CTNNBIP1: variants seen among roughly 807,000 people sequenced by gnomAD.
CTNNBIP1 encodes the protein catenin beta interacting protein 1, also known as beta-catenin-interacting protein 1.
A neutral mutation model predicts 11.8 loss-of-function variants in CTNNBIP1; 7 were observed. The observed-to-expected ratio is 0.60, with a 90% CI of 0.34 to 1.12. CTNNBIP1 has a LOEUF of 1.12. Ranked by LOEUF, CTNNBIP1 falls within the 50% of genes most tolerant of loss-of-function variation. CTNNBIP1 has a pLI of 0.03. For missense variants in CTNNBIP1, 101 were observed against 113.4 expected (o/e 0.89, Z 0.50); for synonymous variants, 58 against 43.9 (o/e 1.32, Z -1.26).
intron 1 of CTNNBIP1, among the ~76,000 whole-genome samples, chr1:9,887,879 C>G (rs1220526914): frequency 6.6e-6 from 1 of 151,844 alleles, no homozygotes; most frequent in Non-Finnish European, 1.5e-5. Flanking sequence ...GGCTGGAGTG[C>G]AGTGGTGCGA....
rs1449148393 is a variant in CTNNBIP1 at position 9,849,476 on chromosome 1, T to TAGG, written c.*1239_*1241dup. ...ACCTACTGTGCTGGCAGCAGACAGG[T>TAGG]AGGAGCCTGGCTGGGGTAGGTCAGG... is the stretch of plus-strand genomic sequence containing the variant. On this transcript the variant is annotated 3_prime_UTR_variant, in exon 6 of 6. Transcript: ENST00000377263. The TAGG allele has an allele frequency of 6.6e-6, 1 of 152,154 alleles. No individual in the cohort carries two copies. The highest frequency in any genetic ancestry group is 1.9e-4 in the East Asian group (1 of 5,180). The allele number at this position is 152,154 out of a possible 1,614,324, so 9.4% of individuals were successfully genotyped here. A position where few individuals can be genotyped will look rare whatever the true frequency, so the allele number is the denominator to read the frequency against.
chr1:9,864,542 A>G (rs954585827), intron 5 of CTNNBIP1, among the ~76,000 whole-genome samples: 7 of 152,092 alleles, frequency 4.6e-5, no homozygotes, highest in Non-Finnish European at 7.4e-5. Context: ...GTTAGCCAGG[A>G]TGGTCTCAAT....
chr1:9,880,379 T>A (rs758518896), intron 2 of CTNNBIP1, among the ~76,000 whole-genome samples: 24 of 152,252 alleles, frequency 1.6e-4, no homozygotes, highest in Non-Finnish European at 2.8e-4. Flanking sequence ...AGTCTATCAT[T>A]GATGGGCATC....
At chr1:9,858,496 C>T (rs1378965251) in intron 5 of CTNNBIP1, among the ~76,000 whole-genome samples, 1 of 152,186 alleles carries the variant, frequency 6.6e-6, no homozygotes, top group East Asian at 1.9e-4. Flanking sequence ...GTCCTTACAC[C>T]CCAGGGCCTT....
chr1:9,853,969 A>C lies in CTNNBIP1; in HGVS notation c.188-3193T>G, dbSNP rs540657931. On this transcript the variant is annotated intron_variant, in intron 5 of 5. Transcript: ENST00000377263. Reference sequence around the variant, plus strand: ...CTGACCAGGTGAGATTTATCCCAGGAATGCAAGGTTGGTTTAACATCTGAA... The same window carrying C: ...CTGACCAGGTGAGATTTATCCCAGGCATGCAAGGTTGGTTTAACATCTGAA... Among the ~76,000 whole-genome samples the C allele has an allele frequency of 2.0e-5, 3 of 152,368 alleles. No homozygotes were observed. In the East Asian group the frequency reaches 5.8e-4, roughly 29 times the overall value.
intron 5 of CTNNBIP1, among the ~76,000 whole-genome samples, chr1:9,864,377 G>T (rs191402222): frequency 6.6e-6 from 1 of 152,236 alleles, no homozygotes; most frequent in Admixed American, 6.5e-5. Context: ...CGCCCAGGCT[G>T]GAGTGCAGTG....
intron 1 of CTNNBIP1, among the ~76,000 whole-genome samples, chr1:9,886,685 CCT>C (rs1268234556): frequency 6.6e-6 from 1 of 152,180 alleles, no homozygotes; most frequent in African/African-American, 2.4e-5. Context: ...ACCGCTCTGC[CCT>C]GTTGCTCTCC....
At chr1:9,893,881 C>T (rs1177819811) in intron 1 of CTNNBIP1, among the ~76,000 whole-genome samples, 2 of 152,004 alleles carry the variant, frequency 1.3e-5, no homozygotes, top group South Asian at 2.1e-4. Context: ...CTTCCAAGTC[C>T]GAAAAAAGAA....
At chr1:9,909,773 C>G (rs912243323) in intron 1 of CTNNBIP1, among the ~76,000 whole-genome samples, 2 of 152,082 alleles carry the variant, frequency 1.3e-5, no homozygotes, top group Non-Finnish European at 2.9e-5. Context: ...AGGGAAGAGG[C>G]AGGGGCCCAG....
Position 9,895,002 on chromosome 1 carries a change from G to C in CTNNBIP1, c.-143-11264C>G, listed in dbSNP as rs1019949954. ...GGCTCACTGCAAGCTCTGCTTCCCA[G>C]GTTCACACCATTCTCCTGCCTCAGC... On this transcript the variant is annotated intron_variant, in intron 1 of 5. Coordinates refer to ENST00000377263, the MANE Select transcript of CTNNBIP1 (RefSeq NM_020248.3). Among the ~76,000 whole-genome samples, 3 of 148,872 alleles carry C rather than the reference G, an allele frequency of 2.0e-5. No homozygotes were observed. In the East Asian group the frequency reaches 5.9e-4, roughly 29 times the overall value.
chr1:9,880,263 A>G (rs1221383870), intron 2 of CTNNBIP1, among the ~76,000 whole-genome samples: 2 of 152,168 alleles, frequency 1.3e-5, no homozygotes, highest in East Asian at 3.9e-4. Flanking sequence ...TTTGCTAAGA[A>G]TGATGGCTTC....
chr1:9,903,564 G>A (rs1438225447), intron 1 of CTNNBIP1, among the ~76,000 whole-genome samples: 1 of 152,192 alleles, frequency 6.6e-6, no homozygotes, highest in Non-Finnish European at 1.5e-5. Flanking sequence ...TTTAATAACT[G>A]AGTATAACAG....
In CTNNBIP1 at chr1:9,883,398, T is replaced by C. The variant is rs529172720; in HGVS notation, c.-110+307A>G. On this transcript the variant is annotated intron_variant, in intron 2 of 5. Coordinates refer to ENST00000377263, the MANE Select transcript of CTNNBIP1 (RefSeq NM_020248.3). The surrounding 1 kb of genome is among the most constrained non-coding windows in gnomAD (Gnocchi z 5.6). The stretch of plus-strand genomic sequence containing the variant: ...GAGGCAGGAACCAGTGGGTTTTCTA[T>C]GAAGGAGGCAGAGCAGGGCAGGGGA... 4.6e-5 allele frequency among the ~76,000 whole-genome samples: 7 copies of C among 151,712 alleles called. No homozygotes were observed. The South Asian group carries it at 1.5e-3, about 32-fold the overall frequency.
intron 1 of CTNNBIP1, among the ~76,000 whole-genome samples, chr1:9,897,646 C>T (rs1214076322): frequency 4.6e-5 from 7 of 150,666 alleles, no homozygotes; most frequent in South Asian, 2.1e-4. Flanking sequence ...AGCAAGACTC[C>T]GTTTCAAAAA....
At chr1:9,852,278 C>A (rs893524840) in intron 5 of CTNNBIP1, among the ~76,000 whole-genome samples, 7 of 152,294 alleles carry the variant, frequency 4.6e-5, no homozygotes, top group Admixed American at 2.6e-4. Flanking sequence ...GAGGGCCCAA[C>A]TACAAGGATG....
intron 1 of CTNNBIP1, among the ~76,000 whole-genome samples, chr1:9,898,329 TC>T (rs1639451884): frequency 6.6e-6 from 1 of 151,614 alleles, no homozygotes; most frequent in Admixed American, 6.6e-5. Context: ...ATCGAGACCA[TC>T]CTGGCCAACG....
rs192947411 is a variant in CTNNBIP1, at chr1:9,888,507, G to A, written c.-143-4769C>T. On this transcript the variant is annotated intron_variant, in intron 1 of 5. Transcript: ENST00000377263. ...GCAGAGACTGCAGTGAGCCGAGATC[G>A]CGCCACTGCACTCCAGCCTGGGTGA... Among the ~76,000 whole-genome samples the A allele has an allele frequency of 3.0e-3, 460 of 151,702 alleles. 1 individual carries two copies. The highest frequency in any genetic ancestry group is 0.011 in the African/African-American group (447 of 41,348).
Position 9,851,262 on chromosome 1 carries a change from C to A in CTNNBIP1, c.188-486G>T, listed in dbSNP as rs537746032. Among the ~76,000 whole-genome samples, 6 of 152,168 alleles carry A rather than the reference C, an allele frequency of 3.9e-5. No individual in the cohort carries two copies. The highest frequency in any genetic ancestry group is 7.3e-5 in the Non-Finnish European group (5 of 68,038). On this transcript the variant is annotated intron_variant, in intron 5 of 5. Coordinates refer to ENST00000377263, the MANE Select transcript of CTNNBIP1 (RefSeq NM_020248.3). This position sits in a 1 kb window ranked among gnomAD's most constrained non-coding sequence, Gnocchi z 4.8. ...GCTTCTCCTTCACCCAAACCCAACACCTCTTCCAAGAAGTATGGCCGGGCC... is the reference window on the plus strand; with the variant it reads ...GCTTCTCCTTCACCCAAACCCAACAACTCTTCCAAGAAGTATGGCCGGGCC...
intron 1 of CTNNBIP1, among the ~76,000 whole-genome samples, chr1:9,892,364 G>A (rs1367463651): frequency 6.6e-6 from 1 of 151,492 alleles, no homozygotes; most frequent in African/African-American, 2.4e-5. Context: ...AGAGCTTGGA[G>A]TGAGCCGAGA....
Sources: gnomAD v4.1 joint callset for allele counts (sites outside exome capture counted in the v4.1 genomes callset) on GRCh38, gnomAD v4.1.1 for gene constraint, Gnocchi (gnomAD v3.1) non-coding constraint, MANE v1.5 for transcripts, NCBI Gene and HGNC (gene_info 2026-07-23, HGNC 2026-07-21) for gene names.